Variants in HSD17B2 observed in about 807,000 individuals in gnomAD.
HSD17B2 encodes the protein 17-beta-hydroxysteroid dehydrogenase type 2.
In HSD17B2, 32 loss-of-function variants were observed where a neutral mutation model predicts 26.9. The observed-to-expected ratio is 1.19, with a 90% CI of 0.90 to 1.60. HSD17B2 has a LOEUF of 1.60. Ranked by LOEUF, HSD17B2 falls within the 40% of genes most tolerant of loss-of-function variation. HSD17B2 has a pLI of 0.00. For synonymous variants in HSD17B2, 246 were observed against 186.7 expected (o/e 1.32, Z -2.59); for missense variants, 613 against 468.6 (o/e 1.31, Z -2.85).
rs370702783 is a variant in HSD17B2 at position 82,047,459 on chromosome 16, T to C, written c.265+11770T>C. 1.8e-4 allele frequency among the ~76,000 whole-genome samples: 28 copies of C among 152,340 alleles called. No homozygotes were observed. The East Asian group carries it at 3.5e-3, about 19-fold the overall frequency. On this transcript the variant is annotated intron_variant, in intron 1 of 4. Transcript: ENST00000199936. ...AACTCTGTGCCTGGTACTGGGAATA[T>C]AGTGGCAAATAGTATGCGTTCATGA...
intron 4 of HSD17B2, chr16:82,096,602 A>C (rs895630849): frequency 6.6e-6 from 1 of 152,000 alleles, no homozygotes; most frequent in African/African-American, 2.4e-5. Context: ...ATGAGTGTAT[A>C]TATACTATAT....
intron 3 of HSD17B2, among the ~76,000 whole-genome samples, chr16:82,085,637 G>A (rs549398948): frequency 1.1e-4 from 16 of 152,068 alleles, no homozygotes; most frequent in Admixed American, 9.8e-4. Context: ...TGGCAATTTA[G>A]GGCTGTCTCT....
chr16:82,084,062 A>C (rs368877536), intron 3 of HSD17B2, among the ~76,000 whole-genome samples: 1 of 152,146 alleles, frequency 6.6e-6, no homozygotes, highest in Non-Finnish European at 1.5e-5. Context: ...GCCCTGCTAA[A>C]ATGACCCAGG....
chr16:82,063,704 G>T (rs766695376), intron 1 of HSD17B2, among the ~76,000 whole-genome samples: 3 of 152,160 alleles, frequency 2.0e-5, no homozygotes, highest in African/African-American at 7.2e-5. Flanking sequence ...GAAAGAAGTG[G>T]GTGTTGGGGG....
At chr16:82,057,085 G>C (rs1914290447) in intron 1 of HSD17B2, among the ~76,000 whole-genome samples, 2 of 152,132 alleles carry the variant, frequency 1.3e-5, no homozygotes, top group South Asian at 4.1e-4. Flanking sequence ...ATAAGTGATT[G>C]AACTAATTAA....
At chr16:82,072,151 T>G (rs941480538) in intron 3 of HSD17B2, among the ~76,000 whole-genome samples, 21 of 152,290 alleles carry the variant, frequency 1.4e-4, no homozygotes, top group Admixed American at 2.6e-4. Context: ...TAAAACTAAC[T>G]GCTATGTGTC....
intron 1 of HSD17B2, among the ~76,000 whole-genome samples, chr16:82,066,748 C>G (rs181435616): frequency 1.3e-5 from 2 of 152,008 alleles, no homozygotes; most frequent in South Asian, 2.1e-4. Flanking sequence ...TATTATTATA[C>G]TGCAAATTAT....
At chr16:82,083,727 G>T (rs765762643) in intron 3 of HSD17B2, among the ~76,000 whole-genome samples, 20 of 152,078 alleles carry the variant, frequency 1.3e-4, no homozygotes, top group Non-Finnish European at 2.6e-4. Context: ...TTCATCCTCT[G>T]CCCCGTCACT....
intron 2 of HSD17B2, 139 bp downstream of exon 2, chr16:82,068,521 T>A: frequency 7.5e-6 from 5 of 668,944 alleles, no homozygotes; most frequent in Non-Finnish European, 1.3e-5. Context: ...ACCCCTACCA[T>A]GTGTGGGGGC....
intron 3 of HSD17B2, among the ~76,000 whole-genome samples, chr16:82,075,626 T>A (rs144341001): frequency 1.3e-5 from 2 of 151,986 alleles, no homozygotes; most frequent in African/African-American, 4.8e-5. Flanking sequence ...CTAGAAGAGA[T>A]GGATAAATTC....
chr16:82,041,271 A>G (rs1248816628), intron 1 of HSD17B2, among the ~76,000 whole-genome samples: 2 of 152,122 alleles, frequency 1.3e-5, no homozygotes, highest in Non-Finnish European at 2.9e-5. Flanking sequence ...CAGTGAGTGA[A>G]CCAACCATGT....
intron 4 of HSD17B2, chr16:82,091,279 G>C: frequency 1.8e-6 from 1 of 541,614 alleles, no homozygotes; most frequent in Non-Finnish European, 3.3e-6. Context: ...AAACCAGGGA[G>C]AGGGGAAAGC....
chr16:82,070,826 T>G, intron 2 of HSD17B2, 116 bp from the exon 3 acceptor site: 2 of 931,446 alleles, frequency 2.1e-6, no homozygotes, highest in South Asian at 3.4e-5. Flanking sequence ...CAGACTCTAA[T>G]CCCCCAGGAG....
chr16:82,077,943 G>C (rs1219654445), intron 3 of HSD17B2, among the ~76,000 whole-genome samples: 3 of 152,090 alleles, frequency 2.0e-5, no homozygotes, highest in African/African-American at 7.2e-5. Flanking sequence ...TGAAACTATT[G>C]TACTATAAGA....
chr16:82,051,593 A>G (rs1226316802), intron 1 of HSD17B2, among the ~76,000 whole-genome samples: 1 of 152,016 alleles, frequency 6.6e-6, no homozygotes, highest in Non-Finnish European at 1.5e-5. Flanking sequence ...AGGGGAGGGG[A>G]AGTATCAGGA....
At chr16:82,053,583 C>A (rs915483328) in intron 1 of HSD17B2, among the ~76,000 whole-genome samples, 6 of 152,162 alleles carry the variant, frequency 3.9e-5, no homozygotes, top group South Asian at 4.2e-4. Context: ...GACTGTAAGA[C>A]CTTGAGGCCA....
chr16:82,070,952 T>C lies in HSD17B2; in HGVS notation c.489T>C (p.Ala163=). 1 of 1,613,482 alleles carries C rather than the reference T, an allele frequency of 6.2e-7. No homozygotes were observed. The highest frequency in any genetic ancestry group is 8.5e-7 in the Non-Finnish European group (1 of 1,179,464). The change falls in exon 3 of 5, where the codon GCT becomes GCC. Residue 163 remains alanine (A), a synonymous_variant. Transcript: ENST00000199936. ...AAMLQDRGLW[A]VINNAGVLGF... ...GTTTTCTGTCTCCAGGACTGTGGGC[T>C]GTGATCAACAATGCTGGGGTGCTTG... is the stretch of plus-strand genomic sequence containing the variant.
chr16:82,091,039 A>G lies in HSD17B2; in HGVS notation c.802A>G (p.Asn268Asp). 1.2e-6 allele frequency: 2 copies of G among 1,613,890 alleles called. No individual in the cohort carries two copies. The highest frequency in any genetic ancestry group is 1.7e-6 in the Non-Finnish European group (2 of 1,179,842). ...CATCCAACCTGGAGGCTTCCTAACAAGTAGGTTTCTGAGCCCAAGAACCTG... is the reference window on the plus strand; with the variant it reads ...CATCCAACCTGGAGGCTTCCTAACAGGTAGGTTTCTGAGCCCAAGAACCTG... ...ASIQPGGFLTNIAGTSDKWEK... is the reference protein window; with the variant it reads ...ASIQPGGFLTDIAGTSDKWEK... The change falls in exon 4 of 5, where the codon AAT becomes GAT. Residue 268 changes from asparagine to aspartate, a missense_variant and splice_region_variant. Transcript: ENST00000199936.
At chr16:82,094,172 T>G (rs1214735257) in intron 4 of HSD17B2, 1 of 152,188 alleles carries the variant, frequency 6.6e-6, no homozygotes. Flanking sequence ...TGATTAAGAA[T>G]GCTTAACCTC....
Sources: allele counts gnomAD v4.1 joint callset (sites outside exome capture counted in the v4.1 genomes callset), GRCh38; gene constraint gnomAD v4.1.1; transcripts MANE v1.5; gene names NCBI Gene and HGNC (gene_info 2026-07-23, HGNC 2026-07-21).